SPTA1: variants seen among roughly 807,000 people sequenced by gnomAD.
SPTA1 encodes the protein spectrin alpha, erythrocytic 1.
Under a neutral mutation model 324.7 loss-of-function variants are expected in SPTA1, and 177 were observed. That is an observed-to-expected ratio of 0.55 (90% CI 0.48 to 0.62). The LOEUF (loss-of-function observed/expected upper bound fraction) is 0.62. Among genes scored for constraint, SPTA1 ranks in the 20% least tolerant of loss-of-function variants. The pLI is 0.00. For synonymous variants in SPTA1, 1,195 were observed against 1,041.3 expected (o/e 1.15, Z -2.84); for missense variants, 3,162 against 2,883.6 (o/e 1.10, Z -2.21).
chr1:158,668,135 G>T, intron 14 of SPTA1, 73 bp from the exon 15 acceptor site: 1 of 1,481,024 alleles, frequency 6.8e-7, no homozygotes, highest in Non-Finnish European at 9.3e-7. Context: ...AGAATAAGAG[G>T]TTACTTCTCA....
At chr1:158,650,920 A>G (rs1652382130) in intron 24 of SPTA1, among the ~76,000 whole-genome samples, 1 of 152,228 alleles carries the variant, frequency 6.6e-6, no homozygotes, top group African/African-American at 2.4e-5. Flanking sequence ...AGATATAGAA[A>G]CTGAGGTTTT....
At chr1:158,614,517 C>T in intron 48 of SPTA1, 1 of 498,972 alleles carries the variant, frequency 2.0e-6, no homozygotes, top group East Asian at 3.2e-5. Flanking sequence ...TTTACATTTT[C>T]ATATGGTTGA....
At chr1:158,645,905 C>T (rs375923263) in intron 27 of SPTA1, among the ~76,000 whole-genome samples, 132 of 152,206 alleles carry the variant, frequency 8.7e-4, no homozygotes, top group African/African-American at 3.0e-3. Context: ...ATTAATCTGC[C>T]TATGTGGTAT....
Position 158,639,669 on chromosome 1 carries a change from G to A in SPTA1, c.4893C>T (p.Ala1631=), listed in dbSNP as rs751552374. Residue 1631 remains alanine, a synonymous_variant, in exon 35 of 52, where the codon GCC becomes GCT. Transcript: ENST00000643759. ...FWLSEAETLL[A]MKDQARDLAS... ...CCAAGTCCCTGGCCTGATCTTTCAT[G>A]GCCAGCAATGTCTCTGCCTGGAAAT... 1.2e-6 allele frequency: 2 copies of A among 1,613,788 alleles called. No individual in the cohort carries two copies. Among genetic ancestry groups the A allele is most frequent in the South Asian group, 2.2e-5 (2 of 91,066 alleles).
Position 158,627,764 on chromosome 1 carries a change from G to A in SPTA1, c.5566-41C>T, listed in dbSNP as rs533370614. On this transcript the variant is annotated intron_variant, in intron 39 of 51. Transcript: ENST00000643759. Reference sequence around the variant, plus strand: ...GGTGAGAATTAAGATATCCAAAGCCGGAAAATCTATATTCACTCATATTCA... The same window carrying A: ...GGTGAGAATTAAGATATCCAAAGCCAGAAAATCTATATTCACTCATATTCA... 3.9e-5 allele frequency: 62 copies of A among 1,581,164 alleles called. 1 individual carries two copies. In the Middle Eastern group the frequency reaches 5.0e-4, roughly 13 times the overall value.
intron 39 of SPTA1, among the ~76,000 whole-genome samples, chr1:158,629,834 C>A (rs959768272): frequency 6.6e-6 from 1 of 151,504 alleles, no homozygotes; most frequent in East Asian, 1.9e-4. Context: ...ACATAAAAGT[C>A]GGTTTAGAAA....
At chr1:158,685,666 T>A (rs1291515263) in intron 1 of SPTA1, among the ~76,000 whole-genome samples, 1 of 152,122 alleles carries the variant, frequency 6.6e-6, no homozygotes, top group Non-Finnish European at 1.5e-5. Context: ...TCACATAATT[T>A]CAGATAGATA....
intron 22 of SPTA1, among the ~76,000 whole-genome samples, chr1:158,653,053 A>G (rs941918409): frequency 4.6e-5 from 7 of 152,192 alleles, no homozygotes; most frequent in Non-Finnish European, 7.3e-5. Flanking sequence ...GAGCTCTGTG[A>G]AGTGTATGAC....
At chr1:158,634,938 C>T (rs867481016) in intron 38 of SPTA1, among the ~76,000 whole-genome samples, 1 of 152,114 alleles carries the variant, frequency 6.6e-6, no homozygotes, top group Non-Finnish European at 1.5e-5. Flanking sequence ...GGAGGAAACC[C>T]ACCCTAACCA....
chr1:158,632,458 A>T (rs527951778), intron 39 of SPTA1, among the ~76,000 whole-genome samples: 1 of 152,348 alleles, frequency 6.6e-6, no homozygotes, highest in South Asian at 2.1e-4. Flanking sequence ...TTGTCACAAT[A>T]AAACAAATCA....
Position 158,657,486 on chromosome 1 carries a change from T to C in SPTA1, c.2796A>G (p.Glu932=). 1.3e-6 allele frequency: 2 copies of C among 1,513,058 alleles called. No individual in the cohort carries two copies. Among genetic ancestry groups the C allele is most frequent in the South Asian group, 2.2e-5 (2 of 89,118 alleles). The allele number at this position is 1,513,058 out of a possible 1,614,324, so 93.7% of individuals were successfully genotyped here. A position where few individuals can be genotyped will look rare whatever the true frequency, so the allele number is the denominator to read the frequency against. ...CCCACCCCCACCTTACCCCAGCTGC[T>C]TCTTCATCAGCACCATAGTTAGTAT... ...VDNTNYGADE[E]AAGALLKKHE... is the part of the protein sequence containing the mutation. Residue 932 remains glutamate (E), a synonymous_variant, in exon 19 of 52, where the codon GAA becomes GAG. Coordinates refer to ENST00000643759, the MANE Select transcript of SPTA1 (RefSeq NM_003126.4).
intron 32 of SPTA1, 108 bp downstream of exon 32, chr1:158,642,706 G>C: frequency 1.3e-6 from 2 of 1,589,280 alleles, no homozygotes; most frequent in Non-Finnish European, 1.7e-6. Context: ...CTGAGAGCAG[G>C]CATGGTAGCC....
At chr1:158,626,662 A>ATG (rs1355539283) in intron 41 of SPTA1, among the ~76,000 whole-genome samples, 177 bp downstream of exon 41, 1 of 148,032 alleles carries the variant, frequency 6.8e-6, no homozygotes, top group African/African-American at 2.6e-5. Flanking sequence ...GTGTGTGTTT[A>ATG]TGTGTGTGTG....
At chr1:158,656,800 A>T (rs1652860070) in intron 19 of SPTA1, 144 bp from the exon 20 acceptor site, 10 of 691,966 alleles carry the variant, frequency 1.4e-5, no homozygotes, top group Admixed American at 2.5e-5. Flanking sequence ...TTAACCCTAA[A>T]TTTGCAAGCA....
Position 158,683,843 on chromosome 1 carries a change from TTA to T in SPTA1, c.265-349_265-348del, listed in dbSNP as rs769588154. Among the ~76,000 whole-genome samples, 431 of 61,600 alleles carry T rather than the reference TTA, an allele frequency of 7.0e-3. 1 individual carries two copies. The highest frequency in any genetic ancestry group is 9.5e-3 in the Non-Finnish European group (183 of 19,300). The allele number at this position is 61,600 out of a possible 152,430, so 40.4% of individuals were successfully genotyped here. ...AAGATGATAGTTATAATAATGGTTT[TTA>T]AAAAAAAAAATTGAGAGTTTTTTTT... On this transcript the variant is annotated intron_variant, in intron 2 of 51. Coordinates refer to ENST00000643759, the MANE Select transcript of SPTA1 (RefSeq NM_003126.4).
At chr1:158,676,490 T>A (rs929985459) in intron 7 of SPTA1, among the ~76,000 whole-genome samples, 195 bp from the exon 8 acceptor site, 14 of 152,232 alleles carry the variant, frequency 9.2e-5, no homozygotes, top group Non-Finnish European at 1.5e-4. Context: ...TCTCTCATTA[T>A]GCTAAGTACT....
intron 43 of SPTA1, among the ~76,000 whole-genome samples, chr1:158,621,389 C>T (rs1406977672): frequency 1.3e-5 from 2 of 152,190 alleles, no homozygotes; most frequent in Non-Finnish European, 2.9e-5. Context: ...TAAACCGTTA[C>T]ATCTGACCCT....
chr1:158,636,813 T>A (rs1651118062), intron 36 of SPTA1, 52 bp from the exon 37 acceptor site: 1 of 1,611,410 alleles, frequency 6.2e-7, no homozygotes, highest in African/African-American at 1.3e-5. Flanking sequence ...TCTAATGTCA[T>A]CCTACAGCAA....
At position 158,667,912 on chromosome 1, in the gene SPTA1, G is replaced by T. The variant is rs1400957686; in HGVS notation, c.1984C>A (p.Leu662Met). 4 of 1,613,858 alleles carry T rather than the reference G, an allele frequency of 2.5e-6. No individual in the cohort carries two copies. The highest frequency in any genetic ancestry group is 1.3e-5 in the African/African-American group (1 of 74,850). Reference sequence around the variant, plus strand: ...TCCCAGAGGCTGGCAACTTCACTCAGACGAGTGGTCACATTGTCAGAGGCA... The same window carrying T: ...TCCCAGAGGCTGGCAACTTCACTCATACGAGTGGTCACATTGTCAGAGGCA... Reference protein sequence around the residue: ...HYASDNVTTRLSEVASLWEEL... With the variant: ...HYASDNVTTRMSEVASLWEEL... Residue 662 changes from leucine to methionine, a missense_variant, in exon 15 of 52, where the codon CTG becomes ATG. Transcript: ENST00000643759.
Sources: allele counts gnomAD v4.1 joint callset (sites outside exome capture counted in the v4.1 genomes callset), GRCh38; gene constraint gnomAD v4.1.1; transcripts MANE v1.5; gene names NCBI Gene and HGNC (gene_info 2026-07-23, HGNC 2026-07-21).